Variants in SLAMF9 observed in about 807,000 individuals in gnomAD.
SLAMF9 encodes the protein SLAM family member 9.
A neutral mutation model predicts 30.4 loss-of-function variants in SLAMF9; 25 were observed. That is an observed-to-expected ratio of 0.82 (90% CI 0.60 to 1.15). The LOEUF is 1.15. SLAMF9 is among the 50% of genes most tolerant of loss of function. The pLI is 0.00. For synonymous variants in SLAMF9, 129 were observed against 127.2 expected (o/e 1.01, Z -0.09); for missense variants, 344 against 346.1 (o/e 0.99, Z 0.05).
At chr1:159,981,593 C>G in the SLAMF9 span, among the ~76,000 whole-genome samples, 1 of 152,244 alleles carries the variant, frequency 6.6e-6, no homozygotes, top group South Asian at 2.1e-4. Context: ...TCCATTCTCC[C>G]GTGACTGGCC....
upstream of SLAMF9, among the ~76,000 whole-genome samples, chr1:159,954,467 G>A (rs3806199): frequency 0.19 from 29,482 of 152,026 alleles, 3,000 homozygotes; most frequent in Middle Eastern, 0.27. Flanking sequence ...GTCCCCGCAC[G>A]TACTGCATGC....
At chr1:159,966,409 T>C in the SLAMF9 span, among the ~76,000 whole-genome samples, 1 of 152,240 alleles carries the variant, frequency 6.6e-6, no homozygotes, top group Non-Finnish European at 1.5e-5. Flanking sequence ...AATGCTATAA[T>C]AAACATGGGA....
chr1:159,976,815 T>A, the SLAMF9 span: 3 of 151,074 alleles, frequency 2.0e-5, no homozygotes, highest in Admixed American at 6.6e-5. Flanking sequence ...GTCCTAACTA[T>A]TCAGATTCCT....
At chr1:159,972,267 T>C in the SLAMF9 span, among the ~76,000 whole-genome samples, 2,892 of 152,306 alleles carry the variant, frequency 0.019, 31 homozygotes, top group South Asian at 0.033. Flanking sequence ...AAGTTGCCTA[T>C]GTCTTAGGCC....
chr1:159,979,779 T>C, the SLAMF9 span, among the ~76,000 whole-genome samples: 2 of 152,038 alleles, frequency 1.3e-5, no homozygotes, highest in East Asian at 3.9e-4. Flanking sequence ...AGTCTAGCCA[T>C]GCAGGACAAA....
At chr1:159,980,022 G>A in the SLAMF9 span, among the ~76,000 whole-genome samples, 1 of 152,226 alleles carries the variant, frequency 6.6e-6, no homozygotes, top group Non-Finnish European at 1.5e-5. Flanking sequence ...TGGGGAGTTA[G>A]AGGAAAATTA....
At chr1:159,971,915 GTCCC>G in the SLAMF9 span, among the ~76,000 whole-genome samples, 1 of 152,070 alleles carries the variant, frequency 6.6e-6, no homozygotes, top group Non-Finnish European at 1.5e-5. Flanking sequence ...GCCTGTGATT[GTCCC>G]CTTACCCCCG....
At chr1:159,977,884 G>T in the SLAMF9 span, among the ~76,000 whole-genome samples, 1 of 152,134 alleles carries the variant, frequency 6.6e-6, no homozygotes, top group Non-Finnish European at 1.5e-5. Context: ...GAGATCAAAG[G>T]CTCGCCAAAC....
the SLAMF9 span, chr1:159,976,570 C>G: frequency 1.3e-5 from 2 of 152,108 alleles, no homozygotes; most frequent in Admixed American, 1.3e-4. Flanking sequence ...AATGCATTTA[C>G]TATATTCACA....
chr1:159,980,703 G>T, the SLAMF9 span: 1 of 152,150 alleles, frequency 6.6e-6, no homozygotes, highest in Non-Finnish European at 1.5e-5. Flanking sequence ...CACCATGCCC[G>T]GCTAATTTTA....
upstream of SLAMF9, among the ~76,000 whole-genome samples, chr1:159,954,818 T>A (rs549592355): frequency 1.2e-4 from 19 of 152,248 alleles, no homozygotes; most frequent in East Asian, 3.3e-3. Flanking sequence ...ATGGCTCACA[T>A]CTGGAATCCC....
At chr1:159,972,297 A>G in the SLAMF9 span, among the ~76,000 whole-genome samples, 4 of 152,252 alleles carry the variant, frequency 2.6e-5, no homozygotes, top group Admixed American at 2.6e-4. Flanking sequence ...AAGGCAGCTC[A>G]GTGTTGGTGA....
the SLAMF9 span, among the ~76,000 whole-genome samples, chr1:159,966,747 G>T: frequency 6.6e-6 from 1 of 152,064 alleles, no homozygotes; most frequent in African/African-American, 2.4e-5. Context: ...GAACCTGTTA[G>T]CCATTTGTAT....
At chr1:159,952,208 G>A (rs1651769360) in intron 3 of SLAMF9, 54 bp downstream of exon 3, 1 of 1,591,198 alleles carries the variant, frequency 6.3e-7, no homozygotes, top group African/African-American at 1.3e-5. Context: ...GGGAGATGGT[G>A]CCTCTAGGCA....
chr1:159,981,369 G>T, the SLAMF9 span, among the ~76,000 whole-genome samples: 1 of 152,170 alleles, frequency 6.6e-6, no homozygotes, highest in Non-Finnish European at 1.5e-5. Context: ...AACTTCTGTT[G>T]TTTAAGCCAC....
At chr1:159,959,249 G>A in the SLAMF9 span, among the ~76,000 whole-genome samples, 1 of 152,154 alleles carries the variant, frequency 6.6e-6, no homozygotes, top group East Asian at 1.9e-4. Context: ...TTTGTTAAGG[G>A]AAGTTTTGCT....
chr1:159,951,829 G>A lies in SLAMF9; in HGVS notation c.702C>T (p.Phe234=). ...NYASEKPSTA[F]CLLAKGLLIF... ...TGAGCAATCCCTTGGCCAGGAGGCA[G>A]AAGGCTGTTGAAGGCTTCTCAGAAG... is the stretch of plus-strand genomic sequence containing the variant. The change falls in exon 4 of 4, where the codon TTC becomes TTT. Residue 234 remains phenylalanine (F), a synonymous_variant. Coordinates refer to ENST00000368093, the MANE Select transcript of SLAMF9 (RefSeq NM_033438.4). 1 of 1,614,212 alleles carries A rather than the reference G, an allele frequency of 6.2e-7. No individual in the cohort carries two copies. The highest frequency in any genetic ancestry group is 2.2e-5 in the East Asian group (1 of 44,888).
chr1:159,973,050 G>A, the SLAMF9 span: 11 of 1,435,718 alleles, frequency 7.7e-6, no homozygotes, highest in Non-Finnish European at 1.0e-5. Flanking sequence ...GCCACCCTCG[G>A]GGGCCGCCTC....
chr1:159,975,406 A>G, the SLAMF9 span, among the ~76,000 whole-genome samples: 1 of 152,160 alleles, frequency 6.6e-6, no homozygotes, highest in Non-Finnish European at 1.5e-5. Context: ...AGGCTGTTTC[A>G]AGATGTAGCC....
Sources: gnomAD v4.1 joint callset for allele counts (sites outside exome capture counted in the v4.1 genomes callset) on GRCh38, gnomAD v4.1.1 for gene constraint, MANE v1.5 for transcripts, NCBI Gene and HGNC (gene_info 2026-07-23, HGNC 2026-07-21) for gene names.